The following SPC25 variants were observed in gnomAD, a reference collection of about 807,000 sequenced individuals.
The protein encoded by SPC25 is kinetochore protein Spc25.
Under a neutral mutation model 29.6 loss-of-function variants are expected in SPC25, and 22 were observed. The observed-to-expected ratio is 0.74, with a 90% CI of 0.53 to 1.06. The LOEUF is 1.06. SPC25 is among the 50% of genes least tolerant of loss of function. SPC25 has a pLI of 0.00. For synonymous variants in SPC25, 91 were observed against 90.4 expected (o/e 1.01, Z -0.04); for missense variants, 230 against 255.8 (o/e 0.90, Z 0.69).
chr2:168,871,641 C>G, intron 6 of SPC25, 86 bp from the exon 7 acceptor site: 1 of 1,267,588 alleles, frequency 7.9e-7, no homozygotes, highest in Admixed American at 2.7e-5. Flanking sequence ...ATGCTCTCAT[C>G]TGGTTTGAAT....
downstream of SPC25, among the ~76,000 whole-genome samples, chr2:168,869,674 A>G (rs1401921633): frequency 2.6e-5 from 4 of 152,224 alleles, no homozygotes; most frequent in Non-Finnish European, 5.9e-5. Flanking sequence ...CTCTTCAAGG[A>G]GAACTACAAC....
downstream of SPC25, among the ~76,000 whole-genome samples, chr2:168,865,977 A>G (rs1689839113): frequency 6.6e-6 from 1 of 152,306 alleles, no homozygotes; most frequent in African/African-American, 2.4e-5. Context: ...AAAAGAGGAC[A>G]CAAAGAAATG....
intron 6 of SPC25, 25 bp from the exon 7 acceptor site, chr2:168,871,580 A>C (rs1269285914): frequency 6.5e-7 from 1 of 1,547,314 alleles, no homozygotes; most frequent in Non-Finnish European, 8.7e-7. Flanking sequence ...AAAAGAAATC[A>C]AAGACAATTA....
At chr2:168,879,337 T>C (rs1439338117) in intron 3 of SPC25, among the ~76,000 whole-genome samples, 2 of 152,258 alleles carry the variant, frequency 1.3e-5, no homozygotes, top group Non-Finnish European at 2.9e-5. Context: ...ACTAAGTTTA[T>C]ATAATAGTCT....
Position 168,865,050 on chromosome 2 carries a change from C to G in SPC25, n.419+8535G>C, listed in dbSNP as rs1011588198. 28 of 1,471,302 alleles carry G rather than the reference C, an allele frequency of 1.9e-5. No homozygotes were observed. The African/African-American group carries it at 3.5e-4, about 19-fold the overall frequency. 91.1% of individuals were successfully genotyped at this position (1,471,302 alleles called of 1,614,324 possible). A position where few individuals can be genotyped will look rare whatever the true frequency, so the allele number is the denominator to read the frequency against. ...TTCAAATAAGAATAAAGTGCTCTTA[C>G]CTTTACATGTTTTTCTTTTGAAATG... On this transcript the variant is annotated intron_variant and non_coding_transcript_variant, in intron 4 of 4. Transcript: ENST00000479309.
downstream of SPC25, among the ~76,000 whole-genome samples, chr2:168,870,152 A>C (rs1219654959): frequency 1.3e-5 from 2 of 151,280 alleles, no homozygotes; most frequent in Non-Finnish European, 3.0e-5. Flanking sequence ...CTGGCTAGCC[A>C]TATGTAGAAA....
At chr2:168,867,962 C>T (rs1353009505), downstream of SPC25, among the ~76,000 whole-genome samples, 1 of 152,250 alleles carries the variant, frequency 6.6e-6, no homozygotes, top group Non-Finnish European at 1.5e-5. Flanking sequence ...AAGTAAAGCA[C>T]TCCTCAGCAA....
intron 4 of SPC25, chr2:168,863,311 T>C (rs1164743059): frequency 2.9e-6 from 2 of 694,160 alleles, no homozygotes; most frequent in Non-Finnish European, 3.5e-6. Flanking sequence ...CCTTTAAGAA[T>C]AGTGATTTAT....
At chr2:168,877,433 T>G in intron 3 of SPC25, 49 bp from the exon 4 acceptor site, 1 of 1,602,764 alleles carries the variant, frequency 6.2e-7, no homozygotes, top group African/African-American at 1.3e-5. Flanking sequence ...CTCTCTGACA[T>G]GTATCTAAGA....
At chr2:168,883,487 T>C (rs1350504759) in intron 3 of SPC25, among the ~76,000 whole-genome samples, 3 of 152,172 alleles carry the variant, frequency 2.0e-5, no homozygotes, top group African/African-American at 7.2e-5. Context: ...GAAATTCAGA[T>C]TGAAAGTCAA....
downstream of SPC25, among the ~76,000 whole-genome samples, chr2:168,868,082 A>T (rs1559151052): frequency 6.6e-6 from 1 of 152,186 alleles, no homozygotes. Context: ...ATGGAAACTG[A>T]ACAACCTGCT....
intron 3 of SPC25, chr2:168,884,731 A>G (rs980234091): frequency 1.3e-5 from 2 of 152,182 alleles, no homozygotes; most frequent in Admixed American, 6.5e-5. Context: ...GAGGAAATGT[A>G]ATGCTCTGAA....
At position 168,877,317 on chromosome 2, in the gene SPC25, T is replaced by A. The variant is rs777605217; in HGVS notation, c.267A>T (p.Val89=). 5.6e-6 allele frequency: 9 copies of A among 1,613,888 alleles called. No individual in the cohort carries two copies. Among genetic ancestry groups the A allele is most frequent in the Non-Finnish European group, 7.6e-6 (9 of 1,179,866 alleles). ...KDNLLKLIAE[V]KGKKQELEVL... ...CTTCCAATTCCTGCTTTTTGCCTTT[T>A]ACTTCAGCAATCAATTTTAACAAGT... The change falls in exon 4 of 7, where the codon GTA becomes GTT. Residue 89 remains valine (V), a synonymous_variant. Transcript: ENST00000282074.
rs544854137 is a variant in SPC25, at chr2:168,887,671, AC to A, written c.199+1554del. Among the ~76,000 whole-genome samples the A allele has an allele frequency of 6.9e-3, 1,047 of 152,294 alleles. 7 individuals carry two copies. The highest frequency in any genetic ancestry group is 0.041 in the Middle Eastern group (12 of 294). On this transcript the variant is annotated intron_variant, in intron 3 of 6. Transcript: ENST00000282074. Reference sequence around the variant, plus strand: ...CTCTAGTGGAATTTGAACTGTGGACACATGTTTGTGTCCTGTGTGTAAGAAT... The same window carrying A: ...CTCTAGTGGAATTTGAACTGTGGACAATGTTTGTGTCCTGTGTGTAAGAAT...
chr2:168,884,280 C>A (rs1164701819), intron 3 of SPC25, among the ~76,000 whole-genome samples: 2 of 152,210 alleles, frequency 1.3e-5, no homozygotes, highest in African/African-American at 4.8e-5. Flanking sequence ...CCTCAGTGAG[C>A]TTCAATTTCC....
At chr2:168,876,313 A>G in intron 4 of SPC25, 137 bp from the exon 5 acceptor site, 1 of 635,648 alleles carries the variant, frequency 1.6e-6, no homozygotes, top group Admixed American at 4.1e-5. Flanking sequence ...TTGTTTCTAT[A>G]TCTACCAGTT....
At chr2:168,867,059 C>G (rs572638241), downstream of SPC25, among the ~76,000 whole-genome samples, 1 of 134,042 alleles carries the variant, frequency 7.5e-6, no homozygotes, top group Non-Finnish European at 1.6e-5. Context: ...TTGTGGAAGT[C>G]GGTGTGGCGA....
chr2:168,888,972 T>TACATAC (rs1553539510), intron 3 of SPC25, among the ~76,000 whole-genome samples: 1 of 103,284 alleles, frequency 9.7e-6, no homozygotes, highest in Admixed American at 9.8e-5. Flanking sequence ...TATATATATA[T>TACATAC]ACACACACAC....
intron 3 of SPC25, among the ~76,000 whole-genome samples, chr2:168,884,073 G>A (rs999337080): frequency 3.9e-5 from 6 of 152,058 alleles, no homozygotes; most frequent in Non-Finnish European, 1.5e-5. Flanking sequence ...CTGGCCTGCT[G>A]TGTGACTATT....
Sources: allele counts gnomAD v4.1 joint callset (sites outside exome capture counted in the v4.1 genomes callset), GRCh38; gene constraint gnomAD v4.1.1; transcripts MANE v1.5; gene names NCBI Gene and HGNC (gene_info 2026-07-23, HGNC 2026-07-21).